The following GABRA1 variants were observed in gnomAD, a reference collection of about 807,000 sequenced individuals.
GABRA1 encodes gamma-aminobutyric acid type A receptor subunit alpha1.
In GABRA1, 9 loss-of-function variants were observed where a neutral mutation model predicts 48.9. The ratio of observed to expected loss-of-function variants is 0.18; its 90% confidence interval spans 0.11 to 0.32. GABRA1 has a LOEUF of 0.32. Among genes scored for constraint, GABRA1 ranks in the 10% least tolerant of loss-of-function variants. GABRA1 has a pLI of 1.00. For missense variants in GABRA1, 285 were observed against 553.8 expected (o/e 0.51, Z 4.87); for synonymous variants, 210 against 198.7 (o/e 1.06, Z -0.48).
chr5:161,888,163 T>C (rs1172596058), intron 7 of GABRA1, among the ~76,000 whole-genome samples: 1 of 152,144 alleles, frequency 6.6e-6, no homozygotes, highest in Non-Finnish European at 1.5e-5. Context: ...CCCTAGACTG[T>C]TGAAGGAGGG....
At chr5:161,888,379 G>T (rs1305278554) in intron 7 of GABRA1, among the ~76,000 whole-genome samples, 3 of 152,018 alleles carry the variant, frequency 2.0e-5, no homozygotes, top group African/African-American at 7.2e-5. Flanking sequence ...TTTAGGAAAA[G>T]GTTTCAAAAC....
chr5:161,893,048 T>TAATAATAATAATAAAAAA (rs5872733), intron 8 of GABRA1, among the ~76,000 whole-genome samples: 24 of 141,986 alleles, frequency 1.7e-4, no homozygotes, highest in East Asian at 6.1e-4. Context: ...ATAATAATAA[T>TAATAATAATAATAAAAAA]AAAATAAACA....
chr5:161,889,722 A>G (rs573804838), intron 7 of GABRA1, among the ~76,000 whole-genome samples: 97 of 152,112 alleles, frequency 6.4e-4, no homozygotes, highest in Non-Finnish European at 1.2e-3. Context: ...TTATATTGTC[A>G]CACAAGAGAG....
At chr5:161,893,009 A>T (rs28489349) in intron 8 of GABRA1, among the ~76,000 whole-genome samples, 59,530 of 121,922 alleles carry the variant, frequency 0.49, 13,401 homozygotes, top group Admixed American at 0.52. Flanking sequence ...CTTCTCAAAA[A>T]AATAATAATA....
intron 4 of GABRA1, among the ~76,000 whole-genome samples, chr5:161,871,076 G>A (rs75624480): frequency 0.047 from 7,103 of 151,846 alleles, 208 homozygotes; most frequent in African/African-American, 0.074. Context: ...AATAAAGCTG[G>A]TGACAAACAC....
At chr5:161,870,931 C>T (rs929845297) in intron 4 of GABRA1, among the ~76,000 whole-genome samples, 3 of 148,164 alleles carry the variant, frequency 2.0e-5, no homozygotes, top group Non-Finnish European at 4.4e-5. Flanking sequence ...TGAAGATTAA[C>T]CAGCGAGTGT....
chr5:161,870,781 C>T (rs1188636524), intron 4 of GABRA1, among the ~76,000 whole-genome samples: 1 of 152,176 alleles, frequency 6.6e-6, no homozygotes, highest in Non-Finnish European at 1.5e-5. Flanking sequence ...CTACCTGCTG[C>T]TACCACAGCA....
intron 4 of GABRA1, among the ~76,000 whole-genome samples, chr5:161,871,183 T>C (rs1408168755): frequency 6.6e-6 from 1 of 152,174 alleles, no homozygotes; most frequent in African/African-American, 2.4e-5. Context: ...TGGTAATACA[T>C]CTAGTTTCAG....
At chr5:161,885,262 T>C (rs1265577284) in intron 7 of GABRA1, among the ~76,000 whole-genome samples, 3 of 152,140 alleles carry the variant, frequency 2.0e-5, no homozygotes, top group Non-Finnish European at 4.4e-5. Flanking sequence ...TAGATTTCAG[T>C]AGAAAGAAAC....
At chr5:161,874,180 T>G in intron 5 of GABRA1, among the ~76,000 whole-genome samples, 1 of 152,148 alleles carries the variant, frequency 6.6e-6, no homozygotes, top group East Asian at 1.9e-4. Context: ...GGTAAAATCC[T>G]AAATTTATGG....
In GABRA1 at chr5:161,891,028, T is replaced by C. The variant is rs749956729; in HGVS notation, c.834T>C (p.Ser278=). ...TCTCCTTCTGGCTCAACAGAGAGTC[T>C]GTACCAGCAAGAACTGTCTTTGGTA... is the stretch of plus-strand genomic sequence containing the variant. ...SQVSFWLNRE[S]VPARTVFGVT... is the part of the protein sequence containing the mutation. The change falls in exon 8 of 10, where the codon TCT becomes TCC. Residue 278 remains serine (S), a synonymous_variant. Transcript: ENST00000393943. 1.7e-5 allele frequency: 28 copies of C among 1,613,890 alleles called. No individual in the cohort carries two copies. The highest frequency in any genetic ancestry group is 2.3e-5 in the Non-Finnish European group (27 of 1,179,816).
intron 3 of GABRA1, 82 bp downstream of exon 3, chr5:161,854,352 C>G: frequency 1.3e-6 from 1 of 787,110 alleles, no homozygotes; most frequent in Non-Finnish European, 2.3e-6. Flanking sequence ...TCTAAATGGT[C>G]AAATAATAAA....
At chr5:161,892,895 T>A (rs1397402202) in intron 8 of GABRA1, among the ~76,000 whole-genome samples, 1 of 151,560 alleles carries the variant, frequency 6.6e-6, no homozygotes, top group East Asian at 1.9e-4. Flanking sequence ...TCTCAGCTAC[T>A]CGGGAGGCTG....
chr5:161,873,395 G>C, intron 5 of GABRA1, 58 bp downstream of exon 5: 1 of 1,356,504 alleles, frequency 7.4e-7, no homozygotes, highest in Non-Finnish European at 1.1e-6. Context: ...CCTTCCACTT[G>C]TAGGCAATCA....
At chr5:161,870,635 A>C (rs987707417) in intron 4 of GABRA1, among the ~76,000 whole-genome samples, 2 of 148,516 alleles carry the variant, frequency 1.3e-5, no homozygotes, top group Non-Finnish European at 2.9e-5. Context: ...GACAGACAGA[A>C]AGAAAGAAAG....
At chr5:161,849,819 T>C (rs1757364950) in intron 1 of GABRA1, among the ~76,000 whole-genome samples, 1 of 152,214 alleles carries the variant, frequency 6.6e-6, no homozygotes, top group Non-Finnish European at 1.5e-5. Flanking sequence ...TTTCGAAAAC[T>C]GACTCCACAC....
chr5:161,897,486 A>T lies in GABRA1; in HGVS notation c.*64A>T. On this transcript the variant is annotated 3_prime_UTR_variant, in exon 10 of 10. Transcript: ENST00000393943. The stretch of plus-strand genomic sequence containing the variant: ...GGGAATTTATTTATGTTCTCAACGC[A>T]GTAATTCCCATCTGCTTTATTGCCT... 7.2e-7 allele frequency: 1 copy of T among 1,387,592 alleles called. No homozygotes were observed. Among genetic ancestry groups the T allele is most frequent in the East Asian group, 2.3e-5 (1 of 43,762 alleles). 86.0% of individuals were successfully genotyped at this position (1,387,592 alleles called of 1,614,324 possible).
chr5:161,883,827 C>T (rs747844704), intron 7 of GABRA1, among the ~76,000 whole-genome samples: 7 of 152,046 alleles, frequency 4.6e-5, no homozygotes, highest in Non-Finnish European at 7.4e-5. Context: ...CTGTCTCTTG[C>T]TTGCTTAGAA....
chr5:161,850,677 C>G, intron 1 of GABRA1, 119 bp from the exon 2 acceptor site: 1 of 792,546 alleles, frequency 1.3e-6, no homozygotes, highest in Non-Finnish European at 2.2e-6. Context: ...GGTGTCATAT[C>G]CCAGTGAGGT....
Sources: gnomAD v4.1 joint callset for allele counts (sites outside exome capture counted in the v4.1 genomes callset) on GRCh38, gnomAD v4.1.1 for gene constraint, MANE v1.5 for transcripts, NCBI Gene and HGNC (gene_info 2026-07-23, HGNC 2026-07-21) for gene names.